The following PPP2R2B variants were observed in gnomAD, a reference collection of about 807,000 sequenced individuals.
PPP2R2B encodes serine/threonine-protein phosphatase 2A 55 kDa regulatory subunit B beta isoform.
In PPP2R2B, 5 loss-of-function variants were observed where a neutral mutation model predicts 46.0. The ratio of observed to expected loss-of-function variants is 0.11; its 90% CI spans 0.06 to 0.23. The LOEUF is 0.23. Ranked by LOEUF, PPP2R2B falls within the 10% of genes least tolerant of loss-of-function variation. The probability of loss-of-function intolerance (pLI) is 1.00; values close to 1 mark genes in which losing one functional copy is unlikely to be tolerated. For missense variants in PPP2R2B, 367 were observed against 575.0 expected, an observed-to-expected ratio of 0.64 and a Z score of 3.70; for synonymous variants, 215 against 206.7, an observed-to-expected ratio of 1.04 and a Z score of -0.34.
intron 8 of PPP2R2B, among the ~76,000 whole-genome samples, chr5:146,595,355 T>C (rs1359451710): frequency 3.9e-5 from 6 of 152,226 alleles, no homozygotes; most frequent in African/African-American, 7.2e-5. Flanking sequence ...TAGTTCCATA[T>C]GTCTGCTTTG....
At chr5:146,921,670 A>G (rs775209072) in intron 1 of PPP2R2B, among the ~76,000 whole-genome samples, 2 of 152,160 alleles carry the variant, frequency 1.3e-5, no homozygotes, top group East Asian at 1.9e-4. Context: ...AAGAAATTTC[A>G]TCTTCCTGTG....
chr5:147,003,554 G>T (rs1034123796), intron 1 of PPP2R2B, among the ~76,000 whole-genome samples: 1 of 152,110 alleles, frequency 6.6e-6, no homozygotes, highest in African/African-American at 2.4e-5. Flanking sequence ...AAAAGAATGC[G>T]GCTTTAGCTG....
chr5:146,992,913 CTTTA>C (rs1247481118), intron 1 of PPP2R2B, among the ~76,000 whole-genome samples: 1 of 152,112 alleles, frequency 6.6e-6, no homozygotes, highest in Non-Finnish European at 1.5e-5. Context: ...CACCTGAATT[CTTTA>C]TTCTGGTGAT....
At chr5:146,905,221 A>T (rs1429994580) in intron 1 of PPP2R2B, among the ~76,000 whole-genome samples, 1 of 152,144 alleles carries the variant, frequency 6.6e-6, no homozygotes, top group Non-Finnish European at 1.5e-5. Flanking sequence ...ACACTGGAAA[A>T]TATTTGTTAT....
At chr5:146,807,364 C>G (rs765308226) in intron 2 of PPP2R2B, among the ~76,000 whole-genome samples, 1 of 152,172 alleles carries the variant, frequency 6.6e-6, no homozygotes, top group South Asian at 2.1e-4. Context: ...TGAGACCAGT[C>G]AGTTCTGGCA....
chr5:146,721,145 T>C (rs1358439722), intron 2 of PPP2R2B, among the ~76,000 whole-genome samples: 2 of 152,212 alleles, frequency 1.3e-5, no homozygotes, highest in Non-Finnish European at 2.9e-5. Context: ...AAGGGTTAAC[T>C]TGACATTTAC....
Position 146,827,306 on chromosome 5 carries a change from T to C in PPP2R2B, c.70+50696A>G, listed in dbSNP as rs531958722. On this transcript the variant is annotated intron_variant, in intron 2 of 9. Transcript: ENST00000394411. ...GATGAGAATCACTTTCAAAGTACCA[T>C]TGGGAGATTTGTGTTTGTAAATTCT... 2.7e-4 allele frequency among the ~76,000 whole-genome samples: 41 copies of C among 152,298 alleles called. No individual in the cohort carries two copies. The South Asian group carries it at 6.6e-3, about 25-fold the overall frequency.
chr5:146,806,583 C>T (rs1757192190), intron 2 of PPP2R2B, among the ~76,000 whole-genome samples: 1 of 152,280 alleles, frequency 6.6e-6, no homozygotes, highest in Admixed American at 6.5e-5. Flanking sequence ...ATGTTGTTGG[C>T]CATCATCATA....
At chr5:146,860,357 C>T (rs955021104) in intron 2 of PPP2R2B, among the ~76,000 whole-genome samples, 12 of 152,138 alleles carry the variant, frequency 7.9e-5, no homozygotes, top group African/African-American at 2.9e-4. Flanking sequence ...ACCCATGTTC[C>T]CTTTTCAGTA....
At chr5:146,754,817 C>A (rs190007231) in intron 2 of PPP2R2B, among the ~76,000 whole-genome samples, 268 of 152,278 alleles carry the variant, frequency 1.8e-3, no homozygotes, top group Non-Finnish European at 3.0e-3. Flanking sequence ...CTCCAGGCAA[C>A]AGCTGTGTTG....
At chr5:147,048,102 G>A (rs911829844) in intron 1 of PPP2R2B, among the ~76,000 whole-genome samples, 19 of 152,140 alleles carry the variant, frequency 1.2e-4, no homozygotes, top group African/African-American at 4.6e-4. Context: ...TGATTCTCAC[G>A]CATAGCCAGG....
At chr5:146,639,305 A>C (rs1310416903) in intron 6 of PPP2R2B, among the ~76,000 whole-genome samples, 2 of 152,260 alleles carry the variant, frequency 1.3e-5, no homozygotes, top group Admixed American at 6.5e-5. Flanking sequence ...CCCGTGGAAA[A>C]TATCCTTAGT....
rs184648230 is a variant in PPP2R2B at position 146,822,685 on chromosome 5, G to T, written c.70+55317C>A. Among the ~76,000 whole-genome samples the T allele has an allele frequency of 2.0e-5, 3 of 151,932 alleles. No individual in the cohort carries two copies. In the East Asian group the frequency reaches 5.8e-4, roughly 29 times the overall value. ...TATAAAATTCTCATTTGCTTTGTGG[G>T]TTCTTCCTCCCACAGATTATTATTA... On this transcript the variant is annotated intron_variant, in intron 2 of 9. Transcript: ENST00000394411.
At chr5:146,688,701 G>T (rs1778654037) in intron 5 of PPP2R2B, among the ~76,000 whole-genome samples, 2 of 152,186 alleles carry the variant, frequency 1.3e-5, no homozygotes, top group South Asian at 4.1e-4. Context: ...AAACTGAATA[G>T]ACCTTCTTTG....
intron 2 of PPP2R2B, among the ~76,000 whole-genome samples, chr5:146,804,236 TA>T (rs1757040380): frequency 6.6e-6 from 1 of 152,146 alleles, no homozygotes; most frequent in Non-Finnish European, 1.5e-5. Context: ...TCCTATGCAC[TA>T]GGCATTGTTA....
chr5:147,041,904 A>T (rs1416024635), intron 1 of PPP2R2B, among the ~76,000 whole-genome samples: 1 of 151,800 alleles, frequency 6.6e-6, no homozygotes, highest in Non-Finnish European at 1.5e-5. Flanking sequence ...CCTTGCTTCC[A>T]CCTGAATTGA....
intron 2 of PPP2R2B, among the ~76,000 whole-genome samples, chr5:146,710,984 CT>C (rs1455278078): frequency 6.6e-6 from 1 of 152,238 alleles, no homozygotes; most frequent in Non-Finnish European, 1.5e-5. Flanking sequence ...TCAGGTATCA[CT>C]TCCTTAAGAA....
intron 7 of PPP2R2B, among the ~76,000 whole-genome samples, chr5:146,623,597 C>A (rs1392722603): frequency 6.6e-6 from 1 of 152,220 alleles, no homozygotes; most frequent in Non-Finnish European, 1.5e-5. Context: ...GCATTACAGA[C>A]ATTTTCAAAT....
chr5:146,590,331 A>AAAAC (rs1338956114), intron 9 of PPP2R2B, 105 bp from the exon 10 acceptor site: 3 of 1,232,878 alleles, frequency 2.4e-6, no homozygotes, highest in African/African-American at 1.6e-5. Flanking sequence ...GGTTTTATTA[A>AAAAC]AAACAAAAAC....
Sources: allele counts gnomAD v4.1 joint callset (sites outside exome capture counted in the v4.1 genomes callset), GRCh38; gene constraint gnomAD v4.1.1; transcripts MANE v1.5; gene names NCBI Gene and HGNC (gene_info 2026-07-23, HGNC 2026-07-21).